The following WDR70 variants were observed in gnomAD, a reference collection of about 807,000 sequenced individuals.
WDR70 encodes the protein WD repeat-containing protein 70.
A neutral mutation model predicts 88.6 loss-of-function variants in WDR70; 53 were observed. The observed-to-expected ratio is 0.60, with a 90% confidence interval of 0.48 to 0.75. WDR70 has a LOEUF of 0.75. WDR70 is among the 30% of genes least tolerant of loss of function. The pLI is 0.00. For synonymous variants in WDR70, 280 were observed against 270.0 expected, an observed-to-expected ratio of 1.04 and a Z score of -0.36; for missense variants, 610 against 823.2, an observed-to-expected ratio of 0.74 and a Z score of 3.17.
chr5:37,552,171 G>C (rs1742167681), intron 9 of WDR70, among the ~76,000 whole-genome samples: 1 of 152,090 alleles, frequency 6.6e-6, no homozygotes, highest in Non-Finnish European at 1.5e-5. Context: ...ATGATGTATA[G>C]AGGGCACAGT....
At chr5:37,523,973 G>T (rs566651580) in intron 9 of WDR70, among the ~76,000 whole-genome samples, 4 of 152,332 alleles carry the variant, frequency 2.6e-5, no homozygotes, top group South Asian at 4.1e-4. Flanking sequence ...AGAAATATGG[G>T]ACTATGTGAA....
chr5:37,512,132 C>T (rs1356701116), intron 8 of WDR70, among the ~76,000 whole-genome samples: 2 of 152,146 alleles, frequency 1.3e-5, no homozygotes, highest in Non-Finnish European at 2.9e-5. Context: ...CGGGGTATTC[C>T]TTGGCTTGTG....
chr5:37,650,059 T>C (rs550457138), intron 10 of WDR70, among the ~76,000 whole-genome samples: 288 of 149,534 alleles, frequency 1.9e-3, no homozygotes, highest in African/African-American at 6.6e-3. Context: ...TTATCATCAT[T>C]TATTGGCAGA....
intron 10 of WDR70, among the ~76,000 whole-genome samples, chr5:37,649,157 G>A (rs1262978622): frequency 6.6e-6 from 1 of 152,140 alleles, no homozygotes; most frequent in African/African-American, 2.4e-5. Flanking sequence ...AAGGCAGGCA[G>A]AGAGGAGAGA....
intron 10 of WDR70, among the ~76,000 whole-genome samples, chr5:37,636,813 A>G (rs1744979553): frequency 6.6e-6 from 1 of 152,200 alleles, no homozygotes; most frequent in Non-Finnish European, 1.5e-5. Context: ...TGACAACTAA[A>G]TGCAATGTGA....
chr5:37,630,273 G>T (rs561498310), intron 10 of WDR70, among the ~76,000 whole-genome samples: 1 of 152,316 alleles, frequency 6.6e-6, no homozygotes, highest in East Asian at 1.9e-4. Flanking sequence ...ACTAAGGCAT[G>T]TCTGCTGGGG....
intron 17 of WDR70, among the ~76,000 whole-genome samples, chr5:37,738,278 C>A (rs1339122565): frequency 1.3e-5 from 2 of 152,018 alleles, no homozygotes; most frequent in Non-Finnish European, 1.5e-5. Flanking sequence ...AACAATGGGC[C>A]CTGAGCCAAA....
chr5:37,514,842 C>G (rs1016844415), intron 8 of WDR70, among the ~76,000 whole-genome samples: 2 of 151,030 alleles, frequency 1.3e-5, no homozygotes, highest in Non-Finnish European at 3.0e-5. Flanking sequence ...ATGGTGAGAC[C>G]CCGTCTCTAC....
chr5:37,480,234 T>C (rs190310506), intron 8 of WDR70, among the ~76,000 whole-genome samples: 112 of 152,314 alleles, frequency 7.4e-4, no homozygotes, highest in African/African-American at 2.6e-3. Context: ...CTCCATGGCA[T>C]CTCTCTGTGT....
chr5:37,721,349 T>G, intron 14 of WDR70, 134 bp downstream of exon 14: 1 of 750,518 alleles, frequency 1.3e-6, no homozygotes. Flanking sequence ...TGGAACAAAG[T>G]AAAGCCTCAA....
intron 9 of WDR70, among the ~76,000 whole-genome samples, chr5:37,517,917 ATTAT>A (rs1740942588): frequency 1.4e-5 from 2 of 145,538 alleles, no homozygotes; most frequent in Admixed American, 1.4e-4. Flanking sequence ...TATTTATTAT[ATTAT>A]TTATTTTTTT....
chr5:37,514,339 C>CATATATATATATATAT (rs70978826), intron 8 of WDR70, among the ~76,000 whole-genome samples: 421 of 28,722 alleles, frequency 0.015, 76 homozygotes, highest in East Asian at 0.043. Context: ...TTTAGAACTA[C>CATATATATATATATAT]ATATATATAT....
chr5:37,658,801 G>A (rs894958816), intron 10 of WDR70, among the ~76,000 whole-genome samples: 4 of 152,074 alleles, frequency 2.6e-5, no homozygotes, highest in African/African-American at 9.7e-5. Context: ...AGAATGATGG[G>A]CTAACATCCT....
chr5:37,686,143 G>T (rs2112626865), intron 10 of WDR70, among the ~76,000 whole-genome samples: 1 of 150,010 alleles, frequency 6.7e-6, no homozygotes, highest in Non-Finnish European at 1.5e-5. Context: ...CCCCGCCCCA[G>T]CTCTACAAAA....
chr5:37,699,856 G>C (rs538028873), intron 11 of WDR70, among the ~76,000 whole-genome samples: 1 of 151,774 alleles, frequency 6.6e-6, no homozygotes, highest in Non-Finnish European at 1.5e-5. Flanking sequence ...GCTGAGGCAG[G>C]AGAATCACTT....
At chr5:37,680,841 A>G (rs1051935231) in intron 10 of WDR70, among the ~76,000 whole-genome samples, 1 of 152,146 alleles carries the variant, frequency 6.6e-6, no homozygotes, top group Non-Finnish European at 1.5e-5. Context: ...TGATGCATCC[A>G]GCTTTGTTCT....
intron 9 of WDR70, among the ~76,000 whole-genome samples, chr5:37,520,735 A>G (rs1221827471): frequency 6.6e-6 from 1 of 152,228 alleles, no homozygotes; most frequent in Non-Finnish European, 1.5e-5. Flanking sequence ...AGTCTTTCCC[A>G]GTAAAAGTTC....
chr5:37,412,391 G>GCAAAACAAAA (rs572560564), intron 5 of WDR70, among the ~76,000 whole-genome samples: 1 of 151,766 alleles, frequency 6.6e-6, no homozygotes, highest in Non-Finnish European at 1.5e-5. Flanking sequence ...CCATCTCAAA[G>GCAAAACAAAA]CAAAACAAAA....
chr5:37,596,516 T>G (rs1391023883), intron 9 of WDR70, among the ~76,000 whole-genome samples: 2 of 152,126 alleles, frequency 1.3e-5, no homozygotes, highest in African/African-American at 4.8e-5. Flanking sequence ...TACAGACCCT[T>G]TTCACTCCTT....
Sources: gnomAD v4.1 joint callset for allele counts (sites outside exome capture counted in the v4.1 genomes callset) on GRCh38, gnomAD v4.1.1 for gene constraint, MANE v1.5 for transcripts, NCBI Gene and HGNC (gene_info 2026-07-23, HGNC 2026-07-21) for gene names.